The following GRID2 variants were observed in gnomAD, a reference collection of about 807,000 sequenced individuals.
The protein encoded by GRID2 is glutamate receptor ionotropic, delta-2.
Under a neutral mutation model 114.8 loss-of-function variants are expected in GRID2, and 33 were observed. That is an observed-to-expected ratio of 0.29 (90% CI 0.22 to 0.38). GRID2 has a LOEUF of 0.38. Among genes scored for constraint, GRID2 ranks in the 10% least tolerant of loss-of-function variants. GRID2 has a pLI of 1.00. For missense variants in GRID2, 1,184 were observed against 1,257.7 expected, an observed-to-expected ratio of 0.94 and a Z score of 0.89; for synonymous variants, 505 against 449.9, an observed-to-expected ratio of 1.12 and a Z score of -1.55.
chr4:93,181,291 C>G (rs1739872098), intron 4 of GRID2, among the ~76,000 whole-genome samples: 1 of 152,236 alleles, frequency 6.6e-6, no homozygotes, highest in Non-Finnish European at 1.5e-5. Flanking sequence ...TAGTTCTCAA[C>G]AGTGCACTTA....
At chr4:92,585,953 G>A (rs1470313999) in intron 1 of GRID2, among the ~76,000 whole-genome samples, 1 of 151,688 alleles carries the variant, frequency 6.6e-6, no homozygotes, top group African/African-American at 2.4e-5. Context: ...AGGTTTAGGT[G>A]TAACTTATAT....
At chr4:92,310,531 G>A (rs960302084) in intron 1 of GRID2, among the ~76,000 whole-genome samples, 1 of 151,848 alleles carries the variant, frequency 6.6e-6, no homozygotes, top group Non-Finnish European at 1.5e-5. Context: ...CATTAAATTG[G>A]CAAATTTTAG....
At chr4:92,614,825 T>C (rs1012613548) in intron 2 of GRID2, among the ~76,000 whole-genome samples, 6 of 151,642 alleles carry the variant, frequency 4.0e-5, no homozygotes, top group Non-Finnish European at 8.9e-5. Flanking sequence ...AATTCCCTAG[T>C]CTATCTTTGA....
At chr4:93,678,082 A>G (rs1171609775) in intron 14 of GRID2, among the ~76,000 whole-genome samples, 2 of 152,212 alleles carry the variant, frequency 1.3e-5, no homozygotes, top group African/African-American at 4.8e-5. Context: ...AAGTGCTTAA[A>G]GGAGCTGATG....
chr4:92,992,894 C>T (rs1328565870), intron 2 of GRID2, among the ~76,000 whole-genome samples: 1 of 152,010 alleles, frequency 6.6e-6, no homozygotes, highest in Non-Finnish European at 1.5e-5. Flanking sequence ...GACCTCTTTG[C>T]GTTGGAAATC....
intron 2 of GRID2, among the ~76,000 whole-genome samples, chr4:92,792,257 G>A (rs536728116): frequency 4.0e-5 from 6 of 151,830 alleles, no homozygotes; most frequent in African/African-American, 1.2e-4. Flanking sequence ...TGGACCTCAA[G>A]CATGGTAATA....
chr4:93,783,539 C>A (rs935350797), intron 1 of GRID2, among the ~76,000 whole-genome samples: 20 of 152,098 alleles, frequency 1.3e-4, no homozygotes, highest in African/African-American at 4.8e-4. Context: ...ACAGAAACTA[C>A]AAATGGTAAA....
intron 4 of GRID2, among the ~76,000 whole-genome samples, chr4:93,190,251 T>C (rs982376124): frequency 8.5e-5 from 13 of 152,274 alleles, no homozygotes; most frequent in Non-Finnish European, 1.8e-4. Flanking sequence ...ATAACCTTGA[T>C]ATTTCTAGAA....
intron 14 of GRID2, among the ~76,000 whole-genome samples, chr4:93,674,661 T>C (rs1266301489): frequency 6.6e-6 from 1 of 152,018 alleles, no homozygotes; most frequent in Non-Finnish European, 1.5e-5. Context: ...AATAGGTCAC[T>C]TCCCTGTTAA....
chr4:92,381,203 C>T (rs535659552), intron 1 of GRID2, among the ~76,000 whole-genome samples: 25 of 150,398 alleles, frequency 1.7e-4, no homozygotes, highest in African/African-American at 5.6e-4. Context: ...AACAGAGGTA[C>T]GAATCATTAA....
chr4:93,224,532 C>T (rs1443361377), intron 6 of GRID2, 82 bp from the exon 7 acceptor site: 2 of 839,016 alleles, frequency 2.4e-6, no homozygotes, highest in African/African-American at 1.7e-5. Context: ...TGAACAGAAG[C>T]AGTTGAGACA....
chr4:92,743,514 G>A (rs1736998723), intron 2 of GRID2, among the ~76,000 whole-genome samples: 1 of 152,154 alleles, frequency 6.6e-6, no homozygotes, highest in Non-Finnish European at 1.5e-5. Flanking sequence ...AAGAGGACAA[G>A]AAATAGCTTT....
chr4:93,772,750 C>T lies in GRID2; in HGVS notation c.*252C>T. The T allele has an allele frequency of 2.1e-6, 1 of 472,402 alleles. No homozygotes were observed. Among genetic ancestry groups the T allele is most frequent in the South Asian group, 4.2e-5 (1 of 23,796 alleles). 29.3% of individuals were successfully genotyped at this position (472,402 alleles called of 1,614,324 possible). A position where few individuals can be genotyped will look rare whatever the true frequency, so the allele number is the denominator to read the frequency against. On this transcript the variant is annotated 3_prime_UTR_variant, in exon 16 of 16. Coordinates refer to ENST00000282020, the MANE Select transcript of GRID2 (RefSeq NM_001510.4). ...ACTTGTTCCCCAAGAAGGTAGTGTACTAGGATCCTATTAGTCTGCTTTTCA... is the reference window on the plus strand; with the variant it reads ...ACTTGTTCCCCAAGAAGGTAGTGTATTAGGATCCTATTAGTCTGCTTTTCA...
rs548477069 is a variant in GRID2 at position 92,451,830 on chromosome 4, T to A, written c.89-138301T>A. ...GTATTGTCCAAATATCAAAAGAGCC[T>A]AAGTATTCATCTCAAATTGAGCCTA... On this transcript the variant is annotated intron_variant, in intron 1 of 15. Transcript: ENST00000282020. 2.3e-4 allele frequency among the ~76,000 whole-genome samples: 35 copies of A among 152,304 alleles called. No individual in the cohort carries two copies. In the South Asian group the frequency reaches 7.3e-3, roughly 32 times the overall value.
chr4:93,570,262 T>C (rs1012539306), intron 13 of GRID2, among the ~76,000 whole-genome samples: 6 of 152,182 alleles, frequency 3.9e-5, no homozygotes. Flanking sequence ...TTCCCCTGTT[T>C]CTGGAGTTTG....
intron 2 of GRID2, among the ~76,000 whole-genome samples, chr4:92,785,265 A>G (rs575866410): frequency 6.6e-6 from 1 of 151,562 alleles, no homozygotes; most frequent in South Asian, 2.1e-4. Context: ...ATTAATTACC[A>G]TCAACAGCCA....
chr4:92,610,820 A>C (rs1729685730), intron 2 of GRID2, among the ~76,000 whole-genome samples: 2 of 151,718 alleles, frequency 1.3e-5, no homozygotes, highest in African/African-American at 4.8e-5. Context: ...ATAATACAAA[A>C]TCTTTTGTGT....
intron 13 of GRID2, among the ~76,000 whole-genome samples, chr4:93,552,165 T>C (rs1216359826): frequency 1.3e-5 from 2 of 151,940 alleles, no homozygotes; most frequent in Non-Finnish European, 2.9e-5. Context: ...TTGCTGAGAA[T>C]GATGGTTTCC....
intron 4 of GRID2, among the ~76,000 whole-genome samples, chr4:93,187,455 T>C (rs1363698137): frequency 1.3e-5 from 2 of 152,126 alleles, no homozygotes; most frequent in Non-Finnish European, 2.9e-5. Flanking sequence ...TTTGTGTTTT[T>C]AGTAGAGACA....
Sources: allele counts gnomAD v4.1 joint callset (sites outside exome capture counted in the v4.1 genomes callset), GRCh38; gene constraint gnomAD v4.1.1; transcripts MANE v1.5; gene names NCBI Gene and HGNC (gene_info 2026-07-23, HGNC 2026-07-21).